Variants in PAG1 observed in about 807,000 individuals in gnomAD.
The protein encoded by PAG1 is phosphoprotein membrane anchor with glycosphingolipid microdomains 1, also known as phosphoprotein associated with glycosphingolipid-enriched microdomains 1.
In PAG1, 23 loss-of-function variants were observed where a neutral mutation model predicts 31.7. The ratio of observed to expected loss-of-function variants is 0.73; its 90% CI spans 0.52 to 1.03. PAG1 has a LOEUF of 1.03. Among genes scored for constraint, PAG1 ranks in the 50% least tolerant of loss-of-function variants. The pLI is 0.00. For missense variants in PAG1, 473 were observed against 540.7 expected, an observed-to-expected ratio of 0.87 and a Z score of 1.24; for synonymous variants, 214 against 210.3, an observed-to-expected ratio of 1.02 and a Z score of -0.15.
At chr8:80,998,529 A>C (rs1807727459) in intron 3 of PAG1, among the ~76,000 whole-genome samples, 1 of 151,998 alleles carries the variant, frequency 6.6e-6, no homozygotes, top group Non-Finnish European at 1.5e-5. Context: ...TTGGTGCCTT[A>C]TGCTTGGCAT....
rs148440667 is a variant in PAG1, at chr8:81,085,204, A to G, written c.-233-15034T>C. 2.9e-3 allele frequency among the ~76,000 whole-genome samples: 446 copies of G among 152,310 alleles called. 1 individual carries two copies. The highest frequency in any genetic ancestry group is 5.0e-3 in the Admixed American group (76 of 15,306). Reference sequence around the variant, plus strand: ...TCCGGCTAGACTCTAAATTCATCACATTATTGCTTCATATAGCCATTTTCT... The same window carrying G: ...TCCGGCTAGACTCTAAATTCATCACGTTATTGCTTCATATAGCCATTTTCT... On this transcript the variant is annotated intron_variant, in intron 1 of 8. Transcript: ENST00000220597.
rs192847300 is a variant in PAG1 at position 81,027,990 on chromosome 8, C to T, written c.-81+2006G>A. ...TCTTTAAGCCTAAAGACGAGGGTCC[C>T]CCACAGCTGCTGTTGGGGCTGCTGG... On this transcript the variant is annotated intron_variant, in intron 3 of 8. Transcript: ENST00000220597. Among the ~76,000 whole-genome samples the T allele has an allele frequency of 7.2e-3, 1,101 of 152,194 alleles. 7 individuals are homozygous for T. The highest frequency in any genetic ancestry group is 0.011 in the Non-Finnish European group (770 of 68,014).
At chr8:80,996,068 A>T (rs1352826480) in intron 3 of PAG1, among the ~76,000 whole-genome samples, 1 of 152,266 alleles carries the variant, frequency 6.6e-6, no homozygotes, top group Non-Finnish European at 1.5e-5. Context: ...AATGATCATC[A>T]TCAGGTGCAC....
intron 2 of PAG1, among the ~76,000 whole-genome samples, chr8:81,059,918 T>G (rs917612846): frequency 6.6e-6 from 1 of 151,816 alleles, no homozygotes; most frequent in African/African-American, 2.4e-5. Flanking sequence ...TGTGGGGGGC[T>G]GAGGTAGGAA....
chr8:81,052,560 T>A (rs1336943767), intron 2 of PAG1, among the ~76,000 whole-genome samples: 2 of 152,268 alleles, frequency 1.3e-5, no homozygotes, highest in Admixed American at 6.5e-5. Context: ...TTTACATGTC[T>A]GATCAAAATA....
chr8:81,049,948 G>C (rs567847206), intron 2 of PAG1, among the ~76,000 whole-genome samples: 2 of 152,250 alleles, frequency 1.3e-5, no homozygotes, highest in East Asian at 3.9e-4. Context: ...CCCACGCTGG[G>C]ACTGGGGATG....
intron 1 of PAG1, among the ~76,000 whole-genome samples, chr8:81,082,249 T>C (rs1809279766): frequency 9.6e-6 from 1 of 103,788 alleles, no homozygotes; most frequent in Admixed American, 1.2e-4. Context: ...TGAGACTCTG[T>C]CTCAAAAAAA....
Position 81,066,997 on chromosome 8 carries a change from C to T in PAG1, c.-175+3115G>A, listed in dbSNP as rs189747538. ...GCAATATGGTGAGACCCCATCTCTA[C>T]AAAAAATAAAAAAAAGTAGCCAGGC... On this transcript the variant is annotated intron_variant, in intron 2 of 8. Coordinates refer to ENST00000220597, the MANE Select transcript of PAG1 (RefSeq NM_018440.4). Among the ~76,000 whole-genome samples, 171 of 151,822 alleles carry T rather than the reference C, an allele frequency of 1.1e-3. 1 individual carries two copies. Among genetic ancestry groups the T allele is most frequent in the African/African-American group, 4.0e-3 (165 of 41,422 alleles).
chr8:81,029,691 G>A (rs892697502), intron 3 of PAG1: 3 of 152,190 alleles, frequency 2.0e-5, no homozygotes, highest in African/African-American at 7.2e-5. Context: ...GCTGGCTTTT[G>A]TGTTCACGAG....
chr8:81,099,646 T>C (rs1809579982), intron 1 of PAG1, among the ~76,000 whole-genome samples: 2 of 152,076 alleles, frequency 1.3e-5, no homozygotes, highest in South Asian at 2.1e-4. Flanking sequence ...AAAAGGCAAA[T>C]ATATAAGGAC....
chr8:81,059,727 A>G (rs925344697), intron 2 of PAG1, among the ~76,000 whole-genome samples: 1 of 152,176 alleles, frequency 6.6e-6, no homozygotes, highest in Non-Finnish European at 1.5e-5. Flanking sequence ...CTTGCTTTAA[A>G]AGCCTACGTA....
rs1360236326 is a variant in PAG1, at chr8:80,991,623, T to TA, written c.126-94dup. ...TCCTATCCCAATTCTTATCAGCTTTTAAATCTCTCGTTTTAAGAACCATGT... is the reference window on the plus strand; with the variant it reads ...TCCTATCCCAATTCTTATCAGCTTTTAAAATCTCTCGTTTTAAGAACCATGT... On this transcript the variant is annotated intron_variant, in intron 4 of 8. Coordinates refer to ENST00000220597, the MANE Select transcript of PAG1 (RefSeq NM_018440.4). The TA allele has an allele frequency of 9.4e-6, 8 of 854,554 alleles. No homozygotes were observed. In the Admixed American group the frequency reaches 1.5e-4, roughly 16 times the overall value. The allele number at this position is 854,554 out of a possible 1,614,324, so 52.9% of individuals were successfully genotyped here.
chr8:81,042,689 G>A (rs1194603996), intron 2 of PAG1, among the ~76,000 whole-genome samples: 1 of 152,022 alleles, frequency 6.6e-6, no homozygotes, highest in Admixed American at 6.6e-5. Flanking sequence ...AGAGTCAAGC[G>A]GAGATGGGAA....
At chr8:81,045,219 C>G (rs1425184295) in intron 2 of PAG1, among the ~76,000 whole-genome samples, 1 of 152,180 alleles carries the variant, frequency 6.6e-6, no homozygotes, top group Non-Finnish European at 1.5e-5. Flanking sequence ...GTATGTCAGG[C>G]TGACTGCAAG....
intron 1 of PAG1, among the ~76,000 whole-genome samples, chr8:81,077,130 C>A (rs899316906): frequency 1.3e-5 from 2 of 152,210 alleles, no homozygotes; most frequent in Admixed American, 1.3e-4. Context: ...CATTGGCACC[C>A]CCCAGGAGCT....
rs761643483 is a variant in PAG1 at position 80,975,162 on chromosome 8, T to C, written c.*1382A>G. On this transcript the variant is annotated 3_prime_UTR_variant, in exon 9 of 9. Transcript: ENST00000220597. ...CTTTCCATTTTTACCATTTCAAATA[T>C]TGCAATATTGCCCACCATAAACCAC... 4.6e-5 allele frequency: 7 copies of C among 152,254 alleles called. No homozygotes were observed. Among genetic ancestry groups the C allele is most frequent in the Non-Finnish European group, 8.8e-5 (6 of 68,040 alleles). The allele number at this position is 152,254 out of a possible 1,614,324, so 9.4% of individuals were successfully genotyped here.
intron 1 of PAG1, among the ~76,000 whole-genome samples, chr8:81,079,838 G>A (rs935196946): frequency 1.3e-5 from 2 of 151,938 alleles, no homozygotes; most frequent in Non-Finnish European, 2.9e-5. Flanking sequence ...GCACGACCAT[G>A]GCTCACTATA....
chr8:81,017,922 A>G (rs1240738827), intron 3 of PAG1, among the ~76,000 whole-genome samples: 1 of 152,238 alleles, frequency 6.6e-6, no homozygotes, highest in Non-Finnish European at 1.5e-5. Flanking sequence ...TGCCTCTACT[A>G]GTCAAATAAT....
intron 1 of PAG1, among the ~76,000 whole-genome samples, chr8:81,080,304 T>C (rs1187441586): frequency 6.6e-6 from 1 of 152,168 alleles, no homozygotes; most frequent in African/African-American, 2.4e-5. Flanking sequence ...TATGGGGGTC[T>C]TAAGTTTAAC....
Sources: gnomAD v4.1 joint callset for allele counts (sites outside exome capture counted in the v4.1 genomes callset) on GRCh38, gnomAD v4.1.1 for gene constraint, MANE v1.5 for transcripts, NCBI Gene and HGNC (gene_info 2026-07-23, HGNC 2026-07-21) for gene names.